The following TBC1D12 variants were observed in gnomAD, a reference collection of about 807,000 sequenced individuals.
TBC1D12 encodes TBC1 domain family member 12.
In TBC1D12, 56 loss-of-function variants were observed where a neutral mutation model predicts 86.7. The observed-to-expected ratio is 0.65, with a 90% CI of 0.52 to 0.81. The LOEUF (loss-of-function observed/expected upper bound fraction) is 0.81, where lower values mean the gene tolerates loss of function less well. Ranked by LOEUF, TBC1D12 falls within the 30% of genes least tolerant of loss-of-function variation. The pLI is 0.00. For missense variants in TBC1D12, 1,023 were observed against 1,038.8 expected (o/e 0.98, Z 0.21); for synonymous variants, 421 against 411.7 (o/e 1.02, Z -0.27).
chr10:94,469,669 C>G (rs543298653), intron 2 of TBC1D12, among the ~76,000 whole-genome samples: 1 of 152,006 alleles, frequency 6.6e-6, no homozygotes, highest in Non-Finnish European at 1.5e-5. Context: ...AGGCTGGTCT[C>G]GAACTCCTGA....
intron 3 of TBC1D12, among the ~76,000 whole-genome samples, chr10:94,486,283 G>T (rs1166064026): frequency 6.6e-6 from 1 of 151,462 alleles, no homozygotes; most frequent in Non-Finnish European, 1.5e-5. Context: ...GAGTAGCTGG[G>T]ACTAAAGGCA....
chr10:94,505,970 T>C (rs760639090), intron 6 of TBC1D12, among the ~76,000 whole-genome samples: 2 of 152,182 alleles, frequency 1.3e-5, no homozygotes, highest in Non-Finnish European at 2.9e-5. Context: ...GAATTAGAGC[T>C]CTGATAACCA....
chr10:94,412,427 A>G (rs1480864104), intron 1 of TBC1D12, among the ~76,000 whole-genome samples: 2 of 152,222 alleles, frequency 1.3e-5, no homozygotes, highest in Non-Finnish European at 2.9e-5. Flanking sequence ...TAATTTATAC[A>G]TGGGATTGGA....
chr10:94,410,363 C>A (rs1017984404), intron 1 of TBC1D12, among the ~76,000 whole-genome samples: 1 of 152,174 alleles, frequency 6.6e-6, no homozygotes, highest in Non-Finnish European at 1.5e-5. Flanking sequence ...CTTAGTTCTA[C>A]ATAATTTCAC....
chr10:94,429,122 C>A (rs929934143), intron 1 of TBC1D12, among the ~76,000 whole-genome samples: 3 of 151,326 alleles, frequency 2.0e-5, no homozygotes, highest in Non-Finnish European at 2.9e-5. Context: ...TTCTAAGGTC[C>A]CTAGAAGCTC....
chr10:94,405,187 C>A (rs1373974700), intron 1 of TBC1D12, among the ~76,000 whole-genome samples: 1 of 151,928 alleles, frequency 6.6e-6, no homozygotes, highest in African/African-American at 2.4e-5. Flanking sequence ...ACAGAGTTCT[C>A]CCTACTTTGT....
Position 94,403,166 on chromosome 10 carries a change from G to A in TBC1D12, c.553G>A (p.Ala185Thr). 1 of 1,448,268 alleles carries A rather than the reference G, an allele frequency of 6.9e-7. No homozygotes were observed. The highest frequency in any genetic ancestry group is 9.0e-7 in the Non-Finnish European group (1 of 1,105,984). 89.7% of individuals were successfully genotyped at this position (1,448,268 alleles called of 1,614,324 possible). A position where few individuals can be genotyped will look rare whatever the true frequency, so the allele number is the denominator to read the frequency against. ...EGPGDEDADG[A>T]GSPSDWASPL... Reference sequence around the variant, plus strand: ...GCCTGGCGACGAGGACGCGGACGGCGCGGGAAGCCCGTCCGATTGGGCCTC... The same window carrying A: ...GCCTGGCGACGAGGACGCGGACGGCACGGGAAGCCCGTCCGATTGGGCCTC... Residue 185 changes from alanine (A) to threonine (T), a missense_variant, in exon 1 of 13, where the codon GCG becomes ACG. Physicochemically the swap from Ala to Thr is moderately conservative, Grantham distance 58. Around this residue, in one of 2 missense-constraint regions of TBC1D12, gnomAD observed 628 missense variants for 531.1 expected, o/e 1.18. Coordinates refer to ENST00000225235, the MANE Select transcript of TBC1D12 (RefSeq NM_015188.2).
At chr10:94,443,611 A>G (rs576465449) in intron 2 of TBC1D12, among the ~76,000 whole-genome samples, 2 of 152,348 alleles carry the variant, frequency 1.3e-5, no homozygotes. Flanking sequence ...GCAAACAGTG[A>G]TATTCCACAT....
At chr10:94,491,357 G>A (rs1299446088) in intron 3 of TBC1D12, among the ~76,000 whole-genome samples, 1 of 152,168 alleles carries the variant, frequency 6.6e-6, no homozygotes, top group Non-Finnish European at 1.5e-5. Context: ...ACACTAGCCT[G>A]TTGAAAAGAA....
intron 1 of TBC1D12, among the ~76,000 whole-genome samples, chr10:94,413,912 T>A (rs957652505): frequency 6.6e-5 from 10 of 152,200 alleles, no homozygotes; most frequent in Non-Finnish European, 1.3e-4. Flanking sequence ...TACTGTAATG[T>A]ACAACTACCC....
chr10:94,420,985 T>C (rs758417495), intron 1 of TBC1D12, among the ~76,000 whole-genome samples: 9 of 152,228 alleles, frequency 5.9e-5, no homozygotes, highest in Non-Finnish European at 8.8e-5. Context: ...CATGTATCAT[T>C]GATTTGTCCT....
intron 11 of TBC1D12, among the ~76,000 whole-genome samples, chr10:94,530,821 A>C (rs1420843065): frequency 2.0e-5 from 3 of 149,044 alleles, no homozygotes; most frequent in South Asian, 4.3e-4. Context: ...TTTATTATTT[A>C]ATTTCCCACT....
At chr10:94,414,003 G>C (rs1232731207) in intron 1 of TBC1D12, among the ~76,000 whole-genome samples, 2 of 151,974 alleles carry the variant, frequency 1.3e-5, no homozygotes, top group African/African-American at 4.8e-5. Flanking sequence ...GTCAAGTAGG[G>C]CAAATACTTC....
chr10:94,427,689 G>T (rs1454694936), intron 1 of TBC1D12, among the ~76,000 whole-genome samples: 1 of 151,770 alleles, frequency 6.6e-6, no homozygotes, highest in Non-Finnish European at 1.5e-5. Context: ...AAAATTAGCC[G>T]GGTGTGGTGG....
chr10:94,519,569 A>G lies in TBC1D12; in HGVS notation c.1762-2386A>G, dbSNP rs78706049. 1.8e-4 allele frequency among the ~76,000 whole-genome samples: 28 copies of G among 152,264 alleles called. No homozygotes were observed. The East Asian group carries it at 5.4e-3, about 29-fold the overall frequency. ...ACAAACACACATACAACAACAACACAAAGTTACTGTTTGACAATTCTGGAG... is the reference window on the plus strand; with the variant it reads ...ACAAACACACATACAACAACAACACGAAGTTACTGTTTGACAATTCTGGAG... On this transcript the variant is annotated intron_variant, in intron 9 of 12. Coordinates refer to ENST00000225235, the MANE Select transcript of TBC1D12 (RefSeq NM_015188.2).
At position 94,402,810 on chromosome 10, in the gene TBC1D12, C is replaced by T. The variant is rs953938592; in HGVS notation, c.197C>T (p.Pro66Leu). The T allele has an allele frequency of 3.2e-6, 5 of 1,540,566 alleles. No individual in the cohort carries two copies. In the East Asian group the frequency reaches 9.9e-5, roughly 30 times the overall value. Residue 66 changes from proline to leucine, a missense_variant, in exon 1 of 13, where the codon CCT becomes CTT. By Grantham distance (98) the Pro-to-Leu change is moderately conservative (BLOSUM62 -3). Transcript: ENST00000225235. ...EEADEEEETP[P>L]RQLLQRYLAA... ...GCTGACGAGGAGGAGGAGACGCCGC[C>T]TCGGCAGCTCCTTCAGCGTTACCTC...
chr10:94,425,196 G>A (rs1335778246), intron 1 of TBC1D12, among the ~76,000 whole-genome samples: 1 of 152,198 alleles, frequency 6.6e-6, no homozygotes, highest in Non-Finnish European at 1.5e-5. Flanking sequence ...GGGTGTGACT[G>A]TAAAGAGATA....
At chr10:94,531,844 TTTATG>T (rs1482350615) in intron 12 of TBC1D12, among the ~76,000 whole-genome samples, 11 of 142,648 alleles carry the variant, frequency 7.7e-5, no homozygotes, top group African/African-American at 2.9e-4. Context: ...GTTATTTTAT[TTTATG>T]TTATTTTATT....
intron 1 of TBC1D12, among the ~76,000 whole-genome samples, chr10:94,409,327 A>G (rs1332982300): frequency 2.0e-5 from 3 of 152,050 alleles, no homozygotes; most frequent in Non-Finnish European, 4.4e-5. Flanking sequence ...GAAGTAAGAT[A>G]ATTTAAGCAC....
Sources: gnomAD v4.1 joint callset for allele counts (sites outside exome capture counted in the v4.1 genomes callset) on GRCh38, gnomAD v4.1.1 for gene constraint, gnomAD v4.1.1 regional missense constraint, MANE v1.5 for transcripts, NCBI Gene and HGNC (gene_info 2026-07-23, HGNC 2026-07-21) for gene names.